Variants in MIB1 observed in about 807,000 individuals in gnomAD.
MIB1 encodes the protein MIB E3 ubiquitin protein ligase 1.
In MIB1, 278 loss-of-function variants were observed where a neutral mutation model predicts 124.5. The ratio of observed to expected loss-of-function variants is 2.23; its 90% CI spans 2.02 to 2.47. MIB1 has a LOEUF of 2.47. Ranked by LOEUF, MIB1 falls within the 30% of genes most tolerant of loss-of-function variation. MIB1 has a pLI of 0.00. For missense variants in MIB1, 957 were observed against 1,254.4 expected, an observed-to-expected ratio of 0.76 and a Z score of 3.58; for synonymous variants, 446 against 429.4, an observed-to-expected ratio of 1.04 and a Z score of -0.48.
At chr18:21,773,494 G>A (rs779969405) in intron 3 of MIB1, 130 bp from the exon 4 acceptor site, 27 of 624,444 alleles carry the variant, frequency 4.3e-5, no homozygotes, top group Non-Finnish European at 6.9e-5. Flanking sequence ...TGGCAAATAA[G>A]TATTTTTCAT....
In MIB1 at chr18:21,864,742, G is replaced by A. The variant is rs1349399264; in HGVS notation, c.*76G>A. 2.7e-5 allele frequency: 30 copies of A among 1,099,762 alleles called. No individual in the cohort carries two copies. Among genetic ancestry groups the A allele is most frequent in the Non-Finnish European group, 3.8e-5 (29 of 766,852 alleles). 68.1% of individuals were successfully genotyped at this position (1,099,762 alleles called of 1,614,324 possible). A position where few individuals can be genotyped will look rare whatever the true frequency, so the allele number is the denominator to read the frequency against. On this transcript the variant is annotated 3_prime_UTR_variant, in exon 21 of 21. Coordinates refer to ENST00000261537, the MANE Select transcript of MIB1 (RefSeq NM_020774.4). ...TAATAGGCTTTTGATCTAGTTGGAA[G>A]TTCTGATGAGTTAATTTCTAATATC... is the stretch of plus-strand genomic sequence containing the variant.
chr18:21,716,806 G>A (rs1345956246), intron 1 of MIB1, among the ~76,000 whole-genome samples: 1 of 152,020 alleles, frequency 6.6e-6, no homozygotes, highest in Admixed American at 6.5e-5. Context: ...GAGCCAAGAT[G>A]GCGCCACTGC....
chr18:21,759,503 A>G (rs907336379), intron 1 of MIB1, among the ~76,000 whole-genome samples: 1 of 152,056 alleles, frequency 6.6e-6, no homozygotes, highest in African/African-American at 2.4e-5. Flanking sequence ...GGCCTCCTAA[A>G]GTGCTGGGAT....
chr18:21,826,583 A>G (rs1173635751), intron 12 of MIB1: 7 of 152,130 alleles, frequency 4.6e-5, no homozygotes, highest in Non-Finnish European at 8.8e-5. Flanking sequence ...ATCCATGGAT[A>G]CAAGTATTAA....
rs116768674 is a variant in MIB1, at chr18:21,723,446, T to C, written n.167+18323T>C. Among the ~76,000 whole-genome samples the C allele has an allele frequency of 7.3e-3, 1,114 of 152,244 alleles. 14 individuals carry two copies. The highest frequency in any genetic ancestry group is 0.025 in the African/African-American group (1,048 of 41,548). ...CTCACTGCTACTGGATATCACTGCT[T>C]TTAGGGCCTCTCAGTCAACAGAGCT... On this transcript the variant is annotated intron_variant and non_coding_transcript_variant, in intron 1 of 20. Coordinates refer to the MIB1 transcript ENST00000578646.
chr18:21,804,239 T>C (rs889779454), intron 10 of MIB1, among the ~76,000 whole-genome samples: 1 of 152,226 alleles, frequency 6.6e-6, no homozygotes, highest in African/African-American at 2.4e-5. Context: ...GAGTTTCATA[T>C]TACTGTGGTG....
intron 11 of MIB1, 53 bp downstream of exon 11, chr18:21,815,866 G>A (rs2041825840): frequency 6.7e-7 from 1 of 1,498,778 alleles, no homozygotes. Flanking sequence ...TCCTATTAAA[G>A]GGAAACATTA....
chr18:21,709,736 A>G (rs1406635989), intron 1 of MIB1, among the ~76,000 whole-genome samples: 1 of 152,210 alleles, frequency 6.6e-6, no homozygotes, highest in African/African-American at 2.4e-5. Flanking sequence ...AAAGAATGCA[A>G]ATGTTTACCT....
chr18:21,720,868 T>C (rs1167782982), intron 1 of MIB1, among the ~76,000 whole-genome samples: 2 of 152,126 alleles, frequency 1.3e-5, no homozygotes, highest in Non-Finnish European at 2.9e-5. Context: ...GGCAGGAGGA[T>C]TGCTTCAACA....
At chr18:21,812,679 A>C (rs1459879178) in intron 10 of MIB1, among the ~76,000 whole-genome samples, 3 of 152,190 alleles carry the variant, frequency 2.0e-5, no homozygotes, top group Non-Finnish European at 4.4e-5. Context: ...ACTAAATAAG[A>C]GCAGGTTTTG....
At chr18:21,813,328 C>A (rs2041795753) in intron 10 of MIB1, among the ~76,000 whole-genome samples, 1 of 151,282 alleles carries the variant, frequency 6.6e-6, no homozygotes, top group Admixed American at 6.6e-5. Context: ...CTTATGTATA[C>A]ATGCATATAT....
intron 4 of MIB1, among the ~76,000 whole-genome samples, chr18:21,774,459 G>A (rs1362120609): frequency 6.6e-6 from 1 of 152,176 alleles, no homozygotes; most frequent in Non-Finnish European, 1.5e-5. Context: ...TTGATGGCAT[G>A]TGCCTGTAAT....
chr18:21,765,303 A>G (rs549787016), intron 1 of MIB1, among the ~76,000 whole-genome samples: 4 of 152,344 alleles, frequency 2.6e-5, no homozygotes, highest in Non-Finnish European at 4.4e-5. Flanking sequence ...AAACTTGTCA[A>G]TATCTAAGGG....
At chr18:21,755,201 AT>A (rs1426207881) in intron 1 of MIB1, among the ~76,000 whole-genome samples, 1 of 152,212 alleles carries the variant, frequency 6.6e-6, no homozygotes, top group South Asian at 2.1e-4. Flanking sequence ...GGAACACAAC[AT>A]TTTTTATCTT....
chr18:21,717,532 C>G (rs1157415363), intron 1 of MIB1, among the ~76,000 whole-genome samples: 1 of 151,958 alleles, frequency 6.6e-6, no homozygotes, highest in African/African-American at 2.4e-5. Flanking sequence ...CTACAATGAA[C>G]TCAAACAAAT....
intron 1 of MIB1, among the ~76,000 whole-genome samples, chr18:21,762,420 T>C (rs1193953229): frequency 6.6e-6 from 1 of 152,206 alleles, no homozygotes; most frequent in Non-Finnish European, 1.5e-5. Context: ...GTAGAAGAAT[T>C]ATTACTGACA....
intron 1 of MIB1, among the ~76,000 whole-genome samples, chr18:21,743,393 C>CT (rs2040877842): frequency 6.6e-6 from 1 of 152,198 alleles, no homozygotes. Context: ...CTAACCAGGA[C>CT]TTTATCGATG....
At chr18:21,711,662 G>A (rs868763960) in intron 1 of MIB1, among the ~76,000 whole-genome samples, 1 of 151,994 alleles carries the variant, frequency 6.6e-6, no homozygotes, top group Non-Finnish European at 1.5e-5. Context: ...AAGAGCTCAC[G>A]ACTTGTGTCA....
chr18:21,774,727 A>G (rs1373028390), intron 4 of MIB1, among the ~76,000 whole-genome samples: 2 of 152,056 alleles, frequency 1.3e-5, no homozygotes, highest in Admixed American at 6.5e-5. Context: ...CTTTTTAAAA[A>G]TCAACTGTCT....
Sources: allele counts gnomAD v4.1 joint callset (sites outside exome capture counted in the v4.1 genomes callset), GRCh38; gene constraint gnomAD v4.1.1; transcripts MANE v1.5; gene names NCBI Gene and HGNC (gene_info 2026-07-23, HGNC 2026-07-21).